PALLD: variants seen among roughly 807,000 people sequenced by gnomAD.
The protein encoded by PALLD is palladin.
A neutral mutation model predicts 123.5 loss-of-function variants in PALLD; 61 were observed. That is an observed-to-expected ratio of 0.49 (90% CI 0.40 to 0.61). PALLD has a LOEUF of 0.61. PALLD is among the 20% of genes least tolerant of loss of function. The pLI, the probability that PALLD is intolerant of heterozygous loss-of-function variation, is 0.00. For missense variants in PALLD, 1,273 were observed against 1,377.0 expected, an observed-to-expected ratio of 0.92 and a Z score of 1.20; for synonymous variants, 465 against 496.4, an observed-to-expected ratio of 0.94 and a Z score of 0.84.
chr4:168,718,017 G>A (rs1785531780), intron 10 of PALLD, among the ~76,000 whole-genome samples: 1 of 152,222 alleles, frequency 6.6e-6, no homozygotes, highest in South Asian at 2.1e-4. Flanking sequence ...TTCAAGGTGT[G>A]TGTACTTGAC....
chr4:168,823,782 C>T (rs763390932), intron 10 of PALLD, among the ~76,000 whole-genome samples: 1 of 152,198 alleles, frequency 6.6e-6, no homozygotes, highest in Non-Finnish European at 1.5e-5. Flanking sequence ...TAGGGGCCTT[C>T]GTTCATAATA....
intron 11 of PALLD, 72 bp downstream of exon 11, chr4:168,891,129 T>C (rs992411024): frequency 4.2e-6 from 6 of 1,443,796 alleles, no homozygotes; most frequent in Non-Finnish European, 5.9e-6. Flanking sequence ...CTCTAAGACT[T>C]AGGTTCTTGA....
At chr4:168,829,185 T>C (rs1238040975) in intron 10 of PALLD, 1 of 152,248 alleles carries the variant, frequency 6.6e-6, no homozygotes, top group Non-Finnish European at 1.5e-5. Flanking sequence ...GAATATTCAG[T>C]GTTTTGCATC....
intron 9 of PALLD, among the ~76,000 whole-genome samples, chr4:168,710,919 G>A (rs1214700769): frequency 6.6e-6 from 1 of 152,108 alleles, no homozygotes; most frequent in East Asian, 1.9e-4. Context: ...TGAGCTTTTT[G>A]TTTACCTCAA....
At chr4:168,899,836 G>A (rs1756078750) in intron 14 of PALLD, among the ~76,000 whole-genome samples, 2 of 151,624 alleles carry the variant, frequency 1.3e-5, no homozygotes. Context: ...AGAATTGCTG[G>A]AACCCAGGAG....
chr4:168,825,552 A>G (rs577180229), intron 10 of PALLD, among the ~76,000 whole-genome samples: 1 of 152,318 alleles, frequency 6.6e-6, no homozygotes, highest in African/African-American at 2.4e-5. Flanking sequence ...AGTGCTGGGT[A>G]GAAGGAGGTT....
At chr4:168,504,230 G>A (rs1415778249) in intron 1 of PALLD, among the ~76,000 whole-genome samples, 3 of 152,290 alleles carry the variant, frequency 2.0e-5, no homozygotes, top group East Asian at 1.9e-4. Flanking sequence ...TGTAAGATGG[G>A]CGAGGCCAAG....
chr4:168,794,101 A>G (rs900608896), intron 10 of PALLD, among the ~76,000 whole-genome samples: 2 of 151,956 alleles, frequency 1.3e-5, no homozygotes, highest in African/African-American at 4.8e-5. Context: ...CCCCTTTTCC[A>G]GGGGTTCTCC....
chr4:168,733,422 A>G (rs1787372834), intron 10 of PALLD, among the ~76,000 whole-genome samples: 3 of 152,188 alleles, frequency 2.0e-5, no homozygotes, highest in African/African-American at 7.2e-5. Context: ...GCTGACTTTC[A>G]TTAGCCATTT....
intron 10 of PALLD, among the ~76,000 whole-genome samples, chr4:168,764,570 A>G (rs1245972206): frequency 3.9e-5 from 6 of 152,012 alleles, no homozygotes; most frequent in Non-Finnish European, 4.4e-5. Context: ...GATGTGTGCC[A>G]CTGTGCCCAA....
At position 168,708,809 on chromosome 4, in the gene PALLD, G is replaced by A. The variant is rs142739239; in HGVS notation, c.1502-219G>A. ...AGATGAGGACACCGAGACTGCTCTT[G>A]TCCAACATCACAAAGAATGGGTCTA... On this transcript the variant is annotated intron_variant, in intron 8 of 21. Coordinates refer to ENST00000505667, the MANE Select transcript of PALLD (RefSeq NM_001166108.2). Among the ~76,000 whole-genome samples the A allele has an allele frequency of 2.4e-3, 359 of 152,122 alleles. 2 individuals carry two copies. The highest frequency in any genetic ancestry group is 8.1e-3 in the African/African-American group (336 of 41,504).
chr4:168,532,881 T>C (rs10014173), intron 2 of PALLD, among the ~76,000 whole-genome samples: 63,429 of 151,970 alleles, frequency 0.42, 14,343 homozygotes, highest in African/African-American at 0.6. Context: ...AACCTTCTGA[T>C]TGATTGAAAG....
chr4:168,767,838 T>C (rs555805721), intron 10 of PALLD, among the ~76,000 whole-genome samples: 7 of 152,288 alleles, frequency 4.6e-5, no homozygotes, highest in Non-Finnish European at 1.0e-4. Context: ...TGAGCCACCG[T>C]GCCCAGCCTC....
At chr4:168,566,768 G>A (rs1410009058) in intron 2 of PALLD, among the ~76,000 whole-genome samples, 1 of 152,140 alleles carries the variant, frequency 6.6e-6, no homozygotes, top group African/African-American at 2.4e-5. Flanking sequence ...GTTTTAACCA[G>A]CTATTAAAAT....
chr4:168,762,822 AC>A (rs1733139329), intron 10 of PALLD, among the ~76,000 whole-genome samples: 1 of 152,282 alleles, frequency 6.6e-6, no homozygotes, highest in African/African-American at 2.4e-5. Context: ...TGGCACATAT[AC>A]ATGATGGAAT....
At chr4:168,770,330 T>C (rs1033260573) in intron 10 of PALLD, among the ~76,000 whole-genome samples, 2 of 152,178 alleles carry the variant, frequency 1.3e-5, no homozygotes, top group African/African-American at 4.8e-5. Context: ...CCCTGTGCTT[T>C]TGTGTGTACC....
In PALLD at chr4:168,624,207, C is replaced by T. The variant is rs139096083; in HGVS notation, c.909-43983C>T. 3.0e-3 allele frequency among the ~76,000 whole-genome samples: 456 copies of T among 152,088 alleles called. 2 individuals carry two copies. The highest frequency in any genetic ancestry group is 0.01 in the African/African-American group (427 of 41,482). On this transcript the variant is annotated intron_variant, in intron 2 of 21. Coordinates refer to ENST00000505667, the MANE Select transcript of PALLD (RefSeq NM_001166108.2). ...TAAATGAATACTGGCAAACAGCATTCACTAGCACATTAAAAAAAGTAATTA... is the reference window on the plus strand; with the variant it reads ...TAAATGAATACTGGCAAACAGCATTTACTAGCACATTAAAAAAAGTAATTA...
chr4:168,906,554 A>G (rs111821753), intron 15 of PALLD, among the ~76,000 whole-genome samples: 2 of 152,206 alleles, frequency 1.3e-5, no homozygotes, highest in Non-Finnish European at 2.9e-5. Flanking sequence ...TCCATATTAC[A>G]TACATATAAT....
intron 10 of PALLD, among the ~76,000 whole-genome samples, chr4:168,826,727 G>A (rs1743468927): frequency 6.6e-6 from 1 of 152,208 alleles, no homozygotes; most frequent in South Asian, 2.1e-4. Flanking sequence ...ATACCAAACA[G>A]TATGTTAGGT....
Sources: allele counts gnomAD v4.1 joint callset (sites outside exome capture counted in the v4.1 genomes callset), GRCh38; gene constraint gnomAD v4.1.1; transcripts MANE v1.5; gene names NCBI Gene and HGNC (gene_info 2026-07-23, HGNC 2026-07-21).